The following SPIRE1 variants were observed in gnomAD, a reference collection of about 807,000 sequenced individuals.
SPIRE1 encodes spire type actin nucleation factor 1, also known as protein spire homolog 1.
Under a neutral mutation model 94.1 loss-of-function variants are expected in SPIRE1, and 40 were observed. The ratio of observed to expected loss-of-function variants is 0.43; its 90% CI spans 0.33 to 0.55. The LOEUF is 0.55. Among genes scored for constraint, SPIRE1 ranks in the 20% least tolerant of loss-of-function variants. SPIRE1 has a pLI of 0.06. For synonymous variants in SPIRE1, 376 were observed against 371.7 expected (o/e 1.01, Z -0.13); for missense variants, 838 against 975.2 (o/e 0.86, Z 1.87).
At chr18:12,560,001 C>T (rs928505807) in intron 2 of SPIRE1, among the ~76,000 whole-genome samples, 3 of 152,210 alleles carry the variant, frequency 2.0e-5, no homozygotes, top group Non-Finnish European at 2.9e-5. Flanking sequence ...AGGTGCTTGA[C>T]ATCATTGATT....
chr18:12,529,132 G>C (rs2034608435), intron 4 of SPIRE1, among the ~76,000 whole-genome samples: 1 of 152,212 alleles, frequency 6.6e-6, no homozygotes, highest in African/African-American at 2.4e-5. Flanking sequence ...CACTTTGGGA[G>C]GCCGAGGCGG....
chr18:12,586,806 T>G (rs963128267), intron 2 of SPIRE1, among the ~76,000 whole-genome samples: 3 of 152,222 alleles, frequency 2.0e-5, no homozygotes, highest in Non-Finnish European at 4.4e-5. Flanking sequence ...TTGAAACTCA[T>G]TGCTCTAAAT....
chr18:12,544,757 C>T (rs568256135), intron 3 of SPIRE1, among the ~76,000 whole-genome samples: 42 of 152,338 alleles, frequency 2.8e-4, no homozygotes, highest in African/African-American at 1.0e-3. Context: ...TCCATTCAAA[C>T]TTCTAAATGT....
At chr18:12,627,340 C>T (rs755864915) in intron 2 of SPIRE1, among the ~76,000 whole-genome samples, 2 of 151,962 alleles carry the variant, frequency 1.3e-5, no homozygotes, top group South Asian at 4.2e-4. Context: ...CAATAGTTTG[C>T]TCAAAATGAT....
intron 3 of SPIRE1, among the ~76,000 whole-genome samples, chr18:12,538,825 G>C (rs950833077): frequency 2.6e-5 from 4 of 152,080 alleles, no homozygotes; most frequent in Non-Finnish European, 5.9e-5. Flanking sequence ...AGTCATCCTT[G>C]ATTATTCTTT....
chr18:12,454,938 C>CTT (rs566657323), intron 12 of SPIRE1, among the ~76,000 whole-genome samples: 2 of 144,358 alleles, frequency 1.4e-5, no homozygotes, highest in Non-Finnish European at 1.5e-5. Context: ...TACAGTGGTC[C>CTT]TTTTTTTTTT....
chr18:12,591,968 C>CAAAAAAAA (rs35668057), intron 2 of SPIRE1, among the ~76,000 whole-genome samples: 8 of 67,436 alleles, frequency 1.2e-4, no homozygotes, highest in African/African-American at 1.7e-4. Context: ...GACTCCATCT[C>CAAAAAAAA]AAAAAAAAAA....
In SPIRE1 at chr18:12,657,687, G is replaced by C. The variant is rs752411005; in HGVS notation, c.180C>G (p.Ala60=). 3 of 1,374,360 alleles carry C rather than the reference G, an allele frequency of 2.2e-6. No homozygotes were observed. The highest frequency in any genetic ancestry group is 1.5e-5 in the African/African-American group (1 of 66,452). 85.1% of individuals were successfully genotyped at this position (1,374,360 alleles called of 1,614,324 possible). The change falls in exon 1 of 17, where the codon GCC becomes GCG. Residue 60 remains alanine (A), a synonymous_variant. Transcript: ENST00000409402. ...NQPINEEQAW[A]VCYQCCGSLR... is the part of the protein sequence containing the mutation. ...GGGAACCGCAGCACTGGTAGCACAC[G>C]GCCCACGCCTGCTCCTCGTTGATGG...
chr18:12,496,142 T>A, intron 6 of SPIRE1, 40 bp from the exon 7 acceptor site: 2 of 1,395,176 alleles, frequency 1.4e-6, no homozygotes, highest in Non-Finnish European at 2.0e-6. Context: ...TGTGACTATA[T>A]AAGACTATCA....
upstream of SPIRE1, chr18:12,658,790 CG>C (rs1475402265): frequency 3.2e-6 from 1 of 316,224 alleles, no homozygotes; most frequent in East Asian, 9.7e-5. Context: ...ACCGTAAAGA[CG>C]GGGATCTTTA....
At chr18:12,522,952 A>G (rs1160893430) in intron 4 of SPIRE1, among the ~76,000 whole-genome samples, 2 of 152,228 alleles carry the variant, frequency 1.3e-5, no homozygotes, top group Non-Finnish European at 1.5e-5. Flanking sequence ...AATAATTTTT[A>G]CTTGCAAGTC....
intron 12 of SPIRE1, among the ~76,000 whole-genome samples, chr18:12,457,954 C>G (rs1568181411): frequency 6.6e-6 from 1 of 151,546 alleles, no homozygotes; most frequent in African/African-American, 2.4e-5. Flanking sequence ...ACGCCATTCT[C>G]CTGCCTCAGC....
At chr18:12,622,656 T>C (rs1447859222) in intron 2 of SPIRE1, among the ~76,000 whole-genome samples, 1 of 151,316 alleles carries the variant, frequency 6.6e-6, no homozygotes, top group Non-Finnish European at 1.5e-5. Flanking sequence ...TCTCCTGACC[T>C]CGTGATCCGC....
intron 12 of SPIRE1, chr18:12,459,927 AC>A (rs1487337896): frequency 2.0e-6 from 2 of 985,838 alleles, no homozygotes; most frequent in East Asian, 2.3e-4. Context: ...TATCCTAGGA[AC>A]CTGAACAACA....
At chr18:12,528,967 T>C (rs1297842978) in intron 4 of SPIRE1, among the ~76,000 whole-genome samples, 1 of 152,146 alleles carries the variant, frequency 6.6e-6, no homozygotes, top group African/African-American at 2.4e-5. Context: ...CTGCCCTCAA[T>C]GAGATTATAT....
At chr18:12,527,466 G>A (rs1343378892) in intron 4 of SPIRE1, among the ~76,000 whole-genome samples, 1 of 152,160 alleles carries the variant, frequency 6.6e-6, no homozygotes, top group Non-Finnish European at 1.5e-5. Context: ...AGGCCTTTCG[G>A]TGAACATGAT....
At position 12,463,378 on chromosome 18, in the gene SPIRE1, C is replaced by A; in HGVS notation, c.1611G>T (p.Pro537=). ...GAGAGCGGGAACTCTGCCTGGAAGGCGGCAGGAACTGCCTCACGTTAGTAG... is the reference window on the plus strand; with the variant it reads ...GAGAGCGGGAACTCTGCCTGGAAGGAGGCAGGAACTGCCTCACGTTAGTAG... ...ETPTNVRQFL[P]PSRQSSRSLE... is the part of the protein sequence containing the mutation. Residue 537 remains proline (P), a synonymous_variant, in exon 12 of 17, where the codon CCG becomes CCT. Coordinates refer to ENST00000409402, the MANE Select transcript of SPIRE1 (RefSeq NM_001128626.2). 6.2e-7 allele frequency: 1 copy of A among 1,613,550 alleles called. No individual in the cohort carries two copies. Among genetic ancestry groups the A allele is most frequent in the Non-Finnish European group, 8.5e-7 (1 of 1,179,714 alleles).
intron 4 of SPIRE1, among the ~76,000 whole-genome samples, chr18:12,515,637 A>G (rs2034174263): frequency 1.3e-5 from 2 of 152,200 alleles, no homozygotes; most frequent in Admixed American, 6.5e-5. Flanking sequence ...CTCTTCCACT[A>G]GTGGCTAGAG....
intron 3 of SPIRE1, among the ~76,000 whole-genome samples, chr18:12,538,658 C>T (rs946656324): frequency 6.6e-6 from 1 of 151,944 alleles, no homozygotes; most frequent in Non-Finnish European, 1.5e-5. Flanking sequence ...ACAAAGACAG[C>T]TCAAACAACT....
Sources: gnomAD v4.1 joint callset for allele counts (sites outside exome capture counted in the v4.1 genomes callset) on GRCh38, gnomAD v4.1.1 for gene constraint, MANE v1.5 for transcripts, NCBI Gene and HGNC (gene_info 2026-07-23, HGNC 2026-07-21) for gene names.